The following CSMD1 variants were observed in gnomAD, a reference collection of about 807,000 sequenced individuals.
The protein encoded by CSMD1 is CUB and sushi domain-containing protein 1.
Under a neutral mutation model 417.5 loss-of-function variants are expected in CSMD1, and 213 were observed. The observed-to-expected ratio is 0.51, with a 90% CI of 0.46 to 0.57. CSMD1 has a LOEUF of 0.57. CSMD1 is among the 20% of genes least tolerant of loss of function. The pLI, the probability that CSMD1 is intolerant of heterozygous loss-of-function variation, is 0.00. For synonymous variants in CSMD1, 2,862 were observed against 1,736.8 expected (o/e 1.65, Z -16.11); for missense variants, 6,923 against 4,529.7 (o/e 1.53, Z -15.17).
chr8:4,741,146 C>A (rs1810577678), intron 1 of CSMD1, among the ~76,000 whole-genome samples: 1 of 152,126 alleles, frequency 6.6e-6, no homozygotes, highest in Admixed American at 6.5e-5. Flanking sequence ...TGTGTACACC[C>A]TTCTTTTTCA....
rs78450349 is a variant in CSMD1 at position 3,516,508 on chromosome 8, C to G, written c.1345-22782G>C. 1.2e-4 allele frequency among the ~76,000 whole-genome samples: 18 copies of G among 152,274 alleles called. No individual in the cohort carries two copies. The East Asian group carries it at 3.5e-3, about 30-fold the overall frequency. ...AAGAGGCTGTAGTATCTATGCTACT[C>G]CTCTCATTACACCTTTGTGAGAAGC... is the stretch of plus-strand genomic sequence containing the variant. On this transcript the variant is annotated intron_variant, in intron 10 of 69. Coordinates refer to ENST00000635120, the MANE Select transcript of CSMD1 (RefSeq NM_033225.6).
At chr8:4,430,108 T>G (rs987298413) in intron 2 of CSMD1, among the ~76,000 whole-genome samples, 1 of 152,128 alleles carries the variant, frequency 6.6e-6, no homozygotes, top group Admixed American at 6.6e-5. Context: ...GAAGTGAGGT[T>G]TATAAATAAA....
chr8:4,749,716 C>T (rs930223651), intron 1 of CSMD1, among the ~76,000 whole-genome samples: 11 of 152,032 alleles, frequency 7.2e-5, no homozygotes, highest in Non-Finnish European at 1.3e-4. Context: ...AAATTCATTG[C>T]AATAATTTTA....
intron 2 of CSMD1, among the ~76,000 whole-genome samples, chr8:4,583,657 A>T (rs1343046544): frequency 6.6e-6 from 1 of 152,092 alleles, no homozygotes; most frequent in East Asian, 1.9e-4. Flanking sequence ...CACACTCTGT[A>T]TCTAACTAAT....
At chr8:4,125,518 G>C (rs1215520897) in intron 3 of CSMD1, among the ~76,000 whole-genome samples, 1 of 152,216 alleles carries the variant, frequency 6.6e-6, no homozygotes, top group South Asian at 2.1e-4. Flanking sequence ...CGGACCTCCT[G>C]AGACTGTCAG....
rs188388353 is a variant in CSMD1 at position 3,798,589 on chromosome 8, A to G, written c.819-44547T>C. On this transcript the variant is annotated intron_variant, in intron 5 of 69. Coordinates refer to ENST00000635120, the MANE Select transcript of CSMD1 (RefSeq NM_033225.6). Reference sequence around the variant, plus strand: ...AGGTGATTGCAATGAAAAGGCAATTATAAATAAAATATTAACTTTGCTTCC... The same window carrying G: ...AGGTGATTGCAATGAAAAGGCAATTGTAAATAAAATATTAACTTTGCTTCC... Among the ~76,000 whole-genome samples the G allele has an allele frequency of 1.4e-3, 216 of 152,244 alleles. 1 individual carries two copies. The highest frequency in any genetic ancestry group is 5.0e-3 in the African/African-American group (206 of 41,578).
chr8:4,235,927 A>G (rs1301954242), intron 3 of CSMD1, among the ~76,000 whole-genome samples: 3 of 151,910 alleles, frequency 2.0e-5, no homozygotes, highest in Non-Finnish European at 1.5e-5. Flanking sequence ...CCAACAAACC[A>G]TTTGTGTTTA....
chr8:4,633,332 C>T (rs768293712), intron 2 of CSMD1, among the ~76,000 whole-genome samples: 1 of 151,694 alleles, frequency 6.6e-6, no homozygotes, highest in South Asian at 2.1e-4. Flanking sequence ...CTGAAAGCTC[C>T]GCCTCCCCAG....
chr8:4,146,826 A>G (rs1274956261), intron 3 of CSMD1, among the ~76,000 whole-genome samples: 2 of 149,376 alleles, frequency 1.3e-5, no homozygotes, highest in Non-Finnish European at 2.9e-5. Flanking sequence ...TAGGCAGGAT[A>G]GTCTCGATCT....
intron 4 of CSMD1, among the ~76,000 whole-genome samples, chr8:4,027,653 T>A (rs1313042421): frequency 2.0e-5 from 3 of 152,178 alleles, no homozygotes; most frequent in African/African-American, 4.8e-5. Flanking sequence ...GTCTCAGGTA[T>A]TTCTTCATAG....
intron 5 of CSMD1, among the ~76,000 whole-genome samples, chr8:3,782,195 A>G (rs1328560427): frequency 6.6e-6 from 1 of 152,188 alleles, no homozygotes; most frequent in Non-Finnish European, 1.5e-5. Flanking sequence ...CATGAAAAGC[A>G]AATTCACGGT....
intron 8 of CSMD1, among the ~76,000 whole-genome samples, chr8:3,586,774 C>G (rs75454080): frequency 0.026 from 4,009 of 152,202 alleles, 175 homozygotes; most frequent in African/African-American, 0.088. Context: ...CTTATAGGAA[C>G]AGAATATTTT....
At chr8:3,798,761 T>C (rs1800301132) in intron 5 of CSMD1, among the ~76,000 whole-genome samples, 1 of 150,692 alleles carries the variant, frequency 6.6e-6, no homozygotes, top group Middle Eastern at 3.2e-3. Flanking sequence ...TATTTAGAAA[T>C]TTTTTTTACT....
At chr8:3,709,854 T>C (rs184857937) in intron 6 of CSMD1, among the ~76,000 whole-genome samples, 6,493 of 151,072 alleles carry the variant, frequency 0.043, 209 homozygotes, top group South Asian at 0.07. Flanking sequence ...TGTGTACGTG[T>C]GTGTGTGTGT....
chr8:3,520,017 T>C (rs996576608), intron 10 of CSMD1, among the ~76,000 whole-genome samples: 1 of 138,836 alleles, frequency 7.2e-6, no homozygotes, highest in Non-Finnish European at 1.5e-5. Flanking sequence ...TGTGTGTATA[T>C]ACCTATATAT....
chr8:4,668,414 CCATTATTATTATT>C (rs1338160576), intron 1 of CSMD1, among the ~76,000 whole-genome samples: 1 of 123,198 alleles, frequency 8.1e-6, no homozygotes, highest in Non-Finnish European at 1.7e-5. Flanking sequence ...TTGATGTTTT[CCATTATTATTATT>C]ATTATTATTA....
intron 26 of CSMD1, among the ~76,000 whole-genome samples, chr8:3,244,826 G>A (rs1267049075): frequency 3.9e-5 from 6 of 152,318 alleles, no homozygotes; most frequent in East Asian, 3.9e-4. Flanking sequence ...TGCGGGATCC[G>A]TCTTCAGCAG....
At chr8:3,364,747 C>G (rs1165462411) in intron 20 of CSMD1, among the ~76,000 whole-genome samples, 1 of 152,204 alleles carries the variant, frequency 6.6e-6, no homozygotes, top group Non-Finnish European at 1.5e-5. Context: ...CAAGAAGGCT[C>G]ACCCCAGATG....
At chr8:4,755,368 T>C (rs763893519) in intron 1 of CSMD1, among the ~76,000 whole-genome samples, 10 of 152,240 alleles carry the variant, frequency 6.6e-5, no homozygotes, top group African/African-American at 2.4e-4. Context: ...CAATTAGCTA[T>C]AACCTTCAAA....
Sources: allele counts gnomAD v4.1 joint callset (sites outside exome capture counted in the v4.1 genomes callset), GRCh38; gene constraint gnomAD v4.1.1; transcripts MANE v1.5; gene names NCBI Gene and HGNC (gene_info 2026-07-23, HGNC 2026-07-21).